FBXO30: variants seen among roughly 807,000 people sequenced by gnomAD.
FBXO30 encodes F-box only protein 30.
FBXO30 carries 21 observed loss-of-function variants against 58.1 expected under a neutral mutation model. The observed-to-expected ratio is 0.36, with a 90% confidence interval of 0.26 to 0.52. The LOEUF (loss-of-function observed/expected upper bound fraction) is 0.52. FBXO30 is among the 20% of genes least tolerant of loss of function. The probability of loss-of-function intolerance (pLI) is 0.93; values close to 1 mark genes in which losing one functional copy is unlikely to be tolerated. For synonymous variants in FBXO30, 309 were observed against 312.4 expected (o/e 0.99, Z 0.11); for missense variants, 744 against 897.3 (o/e 0.83, Z 2.18).
In FBXO30 at chr6:145,795,555, T is replaced by C. The variant is rs907234487; in HGVS notation, c.*4551A>G. 2 of 151,974 alleles carry C rather than the reference T, an allele frequency of 1.3e-5. No homozygotes were observed. Among genetic ancestry groups the C allele is most frequent in the East Asian group, 3.8e-4 (2 of 5,200 alleles). The allele number at this position is 151,974 out of a possible 1,614,324, so 9.4% of individuals were successfully genotyped here. A position where few individuals can be genotyped will look rare whatever the true frequency, so the allele number is the denominator to read the frequency against. ...GCTTCCGTCCAGCTTATCAAAAAGA[T>C]TGAAAATTATTTTTAAAAAAGGACT... On this transcript the variant is annotated 3_prime_UTR_variant, in exon 3 of 3. Coordinates refer to ENST00000237281, the MANE Select transcript of FBXO30 (RefSeq NM_032145.5).
At chr6:145,807,785 T>C (rs556784782) in intron 1 of FBXO30, among the ~76,000 whole-genome samples, 2 of 152,306 alleles carry the variant, frequency 1.3e-5, no homozygotes, top group African/African-American at 4.8e-5. Flanking sequence ...ACTTCTTTAC[T>C]GGTGTGTTTC....
chr6:145,793,667 G>A lies in FBXO30; in HGVS notation c.*6439C>T, dbSNP rs1476739762. ...TCTTTAAAAAGCGTGATTGGGATGT[G>A]CCACAAGGAATCATAATAAATTTCA... On this transcript the variant is annotated 3_prime_UTR_variant, in exon 3 of 3. Coordinates refer to ENST00000237281, the MANE Select transcript of FBXO30 (RefSeq NM_032145.5). 2 of 151,908 alleles carry A rather than the reference G, an allele frequency of 1.3e-5. No homozygotes were observed. Among genetic ancestry groups the A allele is most frequent in the African/African-American group, 2.4e-5 (1 of 41,394 alleles). 9.4% of individuals were successfully genotyped at this position (151,908 alleles called of 1,614,324 possible).
intron 1 of FBXO30, among the ~76,000 whole-genome samples, chr6:145,807,792 T>C (rs944981779): frequency 2.0e-5 from 3 of 152,180 alleles, no homozygotes; most frequent in African/African-American, 7.2e-5. Context: ...TACTGGTGTG[T>C]TTCCTATTAG....
chr6:145,808,648 ACTC>A (rs969949958), intron 1 of FBXO30, among the ~76,000 whole-genome samples: 3 of 151,602 alleles, frequency 2.0e-5, no homozygotes, highest in African/African-American at 7.3e-5. Flanking sequence ...CCTCTTTCAA[ACTC>A]CTCTTCACTC....
rs143574050 is a variant in FBXO30 at position 145,807,937 on chromosome 6, G to A, written c.-16-1516C>T. 1.8e-3 allele frequency among the ~76,000 whole-genome samples: 272 copies of A among 151,794 alleles called. 1 individual carries two copies. Among genetic ancestry groups the A allele is most frequent in the African/African-American group, 6.3e-3 (259 of 41,388 alleles). ...GAGGCCTGGAGTTCAAGACCAGCCT[G>A]GACAACATAGCAAGACCCTGTCTCT... On this transcript the variant is annotated intron_variant, in intron 1 of 2. Coordinates refer to ENST00000237281, the MANE Select transcript of FBXO30 (RefSeq NM_032145.5).
Position 145,806,259 on chromosome 6 carries a change from A to AAAAC in FBXO30, c.146_147insGTTT (p.His49GlnfsTer9), listed in dbSNP as rs1345220328. 6.2e-7 allele frequency: 1 copy of AAAAC among 1,613,990 alleles called. No individual in the cohort carries two copies. Among genetic ancestry groups the AAAAC allele is most frequent in the African/African-American group, 1.3e-5 (1 of 74,916 alleles). On this transcript the variant is annotated frameshift_variant, in exon 2 of 3. Transcript: ENST00000237281. LOFTEE classifies it high-confidence loss of function. ...CTCGTTCAAATGGACATAAAAGTCG[A>AAAAC]TGCTCATCAGCTTTACAAGAATGGA... is the stretch of plus-strand genomic sequence containing the variant.
At chr6:145,802,069 C>T (rs1778016170) in intron 2 of FBXO30, among the ~76,000 whole-genome samples, 1 of 152,032 alleles carries the variant, frequency 6.6e-6, no homozygotes, top group Non-Finnish European at 1.5e-5. Context: ...ATTTTGGTTC[C>T]CTGAGAGTCC....
chr6:145,800,162 G>T lies in FBXO30; in HGVS notation c.2182C>A (p.Arg728=). The change falls in exon 3 of 3, where the codon CGA becomes AGA. Residue 728 remains arginine, a synonymous_variant. Coordinates refer to ENST00000237281, the MANE Select transcript of FBXO30 (RefSeq NM_032145.5). ...AIPLPCMCVT[R]ELTKEGRSLR... Reference sequence around the variant, plus strand: ...GAACGTCCTTCTTTAGTGAGTTCTCGTGTCACACACATACATGGCAAAGGG... The same window carrying T: ...GAACGTCCTTCTTTAGTGAGTTCTCTTGTCACACACATACATGGCAAAGGG... The T allele has an allele frequency of 6.2e-7, 1 of 1,612,996 alleles. No homozygotes were observed. The highest frequency in any genetic ancestry group is 8.5e-7 in the Non-Finnish European group (1 of 1,179,286).
At chr6:145,806,455 G>C in intron 1 of FBXO30, 34 bp from the exon 2 acceptor site, 1 of 1,517,638 alleles carries the variant, frequency 6.6e-7, no homozygotes, top group Non-Finnish European at 8.9e-7. Flanking sequence ...TAAGAAATTA[G>C]CCAAAAAATG....
intron 1 of FBXO30, among the ~76,000 whole-genome samples, chr6:145,810,461 T>C (rs1778302645): frequency 1.3e-5 from 2 of 152,208 alleles, no homozygotes; most frequent in African/African-American, 4.8e-5. Context: ...AGTGACACAG[T>C]AGGCACAGTA....
In FBXO30 at chr6:145,814,793, C is replaced by CGCGCCCCGCCCCGCT. The variant is rs1404729791; in HGVS notation, c.-208_-207insAGCGGGGCGGGGCGC. On this transcript the variant is annotated 5_prime_UTR_variant, in exon 1 of 3. Transcript: ENST00000237281. ...GCTCCAGAGGCAGCCACCCTCCTCG[C>CGCGCCCCGCCCCGCT]GCGCCCCGCCCCGCTGCGCCCCGCC... 1.2e-4 allele frequency: 19 copies of CGCGCCCCGCCCCGCT among 152,190 alleles called. No individual in the cohort carries two copies. Among genetic ancestry groups the CGCGCCCCGCCCCGCT allele is most frequent in the Non-Finnish European group, 1.9e-4 (13 of 68,088 alleles). 9.4% of individuals were successfully genotyped at this position (152,190 alleles called of 1,614,324 possible). A position where few individuals can be genotyped will look rare whatever the true frequency, so the allele number is the denominator to read the frequency against.
chr6:145,803,191 T>C (rs1406407505), intron 2 of FBXO30, among the ~76,000 whole-genome samples: 1 of 152,038 alleles, frequency 6.6e-6, no homozygotes, highest in Non-Finnish European at 1.5e-5. Flanking sequence ...TCACTCCATA[T>C]GTCAATACTA....
chr6:145,805,500 A>C lies in FBXO30; in HGVS notation c.906T>G (p.Asn302Lys). 2 of 1,605,542 alleles carry C rather than the reference A, an allele frequency of 1.2e-6. No individual in the cohort carries two copies. Among genetic ancestry groups the C allele is most frequent in the Non-Finnish European group, 1.7e-6 (2 of 1,175,454 alleles). The change falls in exon 2 of 3, where the codon AAT (asparagine) becomes AAG (lysine). Residue 302 changes from asparagine (N) to lysine (K), a missense_variant. Asn to Lys is a moderately conservative substitution (Grantham distance 94). This residue lies in a region of FBXO30 where 275 missense variants were observed against 262.0 expected (regional missense o/e 1.05). Coordinates refer to ENST00000237281, the MANE Select transcript of FBXO30 (RefSeq NM_032145.5). ...TACTTTGTTTTGAATCACCATGTAA[A>C]TTCTGATTCTGGTCTATGACCTGGG... ...ICTQVIDQNQ[N>K]LHGDSKQSNL... is the part of the protein sequence containing the mutation.
Position 145,793,705 on chromosome 6 carries a change from TAAAC to T in FBXO30, c.*6397_*6400del, listed in dbSNP as rs1212685562. The T allele has an allele frequency of 1.3e-5, 2 of 151,924 alleles. No individual in the cohort carries two copies. The highest frequency in any genetic ancestry group is 2.4e-5 in the African/African-American group (1 of 41,372). The allele number at this position is 151,924 out of a possible 1,614,324, so 9.4% of individuals were successfully genotyped here. The stretch of plus-strand genomic sequence containing the variant: ...ATAATAAATTTCAAAAGATAAAAAA[TAAAC>T]ATTGACACAGAAGTCAATCACTCAG... On this transcript the variant is annotated 3_prime_UTR_variant, in exon 3 of 3. Coordinates refer to ENST00000237281, the MANE Select transcript of FBXO30 (RefSeq NM_032145.5).
intron 1 of FBXO30, among the ~76,000 whole-genome samples, chr6:145,812,645 T>C (rs958881074): frequency 2.6e-5 from 4 of 152,182 alleles, no homozygotes; most frequent in African/African-American, 7.2e-5. Flanking sequence ...GCCACACTTA[T>C]ATACACAAAA....
chr6:145,801,932 CA>C (rs1778011097), intron 2 of FBXO30, among the ~76,000 whole-genome samples: 1 of 151,980 alleles, frequency 6.6e-6, no homozygotes, highest in Non-Finnish European at 1.5e-5. Context: ...GAAAAGCAGG[CA>C]AAAGAAAATG....
chr6:145,803,651 T>A (rs1778073843), intron 2 of FBXO30, among the ~76,000 whole-genome samples: 1 of 152,160 alleles, frequency 6.6e-6, no homozygotes, highest in Admixed American at 6.5e-5. Flanking sequence ...AAGTAGGGTA[T>A]CACAGAAGGA....
intron 1 of FBXO30, among the ~76,000 whole-genome samples, chr6:145,808,172 C>A (rs1213322299): frequency 1.3e-5 from 2 of 151,630 alleles, no homozygotes; most frequent in Non-Finnish European, 2.9e-5. Flanking sequence ...AACATAATAT[C>A]CCCCCTTTAC....
chr6:145,808,260 T>C (rs750409777), intron 1 of FBXO30, among the ~76,000 whole-genome samples: 1 of 151,468 alleles, frequency 6.6e-6, no homozygotes, highest in Non-Finnish European at 1.5e-5. Flanking sequence ...TCTAATTTCC[T>C]ATATATTCTT....
Sources: gnomAD v4.1 joint callset for allele counts (sites outside exome capture counted in the v4.1 genomes callset) on GRCh38, gnomAD v4.1.1 for gene constraint, gnomAD v4.1.1 regional missense constraint, MANE v1.5 for transcripts, NCBI Gene and HGNC (gene_info 2026-07-23, HGNC 2026-07-21) for gene names.